The following ZNF804A variants were observed in gnomAD, a reference collection of about 807,000 sequenced individuals.
ZNF804A encodes zinc finger protein 804A.
Under a neutral mutation model 16.5 loss-of-function variants are expected in ZNF804A, and 2 were observed. The ratio of observed to expected loss-of-function variants is 0.12; its 90% CI spans 0.05 to 0.38. The LOEUF (loss-of-function observed/expected upper bound fraction) is 0.38. Among genes scored for constraint, ZNF804A ranks in the 10% least tolerant of loss-of-function variants. The probability of loss-of-function intolerance (pLI) is 0.99; values close to 1 mark genes in which losing one functional copy is unlikely to be tolerated. For missense variants in ZNF804A, 1,473 were observed against 1,390.7 expected (o/e 1.06, Z -0.94); for synonymous variants, 534 against 489.6 (o/e 1.09, Z -1.20).
chr2:184,691,415 C>CTA (rs746464615), intron 1 of ZNF804A, among the ~76,000 whole-genome samples: 15 of 149,854 alleles, frequency 1.0e-4, no homozygotes, highest in East Asian at 3.9e-4. Flanking sequence ...ATCATATATT[C>CTA]TATATATATA....
At chr2:184,860,244 G>C (rs1180001739) in intron 1 of ZNF804A, among the ~76,000 whole-genome samples, 2 of 152,196 alleles carry the variant, frequency 1.3e-5, no homozygotes, top group African/African-American at 4.8e-5. Context: ...CTGGCCTAGA[G>C]GCTTGGTCTG....
intron 1 of ZNF804A, among the ~76,000 whole-genome samples, chr2:184,616,956 C>T (rs920788096): frequency 1.3e-5 from 2 of 151,998 alleles, no homozygotes; most frequent in Admixed American, 1.3e-4. Context: ...GGATGTCACA[C>T]ATTCATATTT....
intron 1 of ZNF804A, among the ~76,000 whole-genome samples, chr2:184,809,295 A>G (rs1437647355): frequency 2.0e-5 from 3 of 151,884 alleles, no homozygotes; most frequent in Non-Finnish European, 3.0e-5. Flanking sequence ...AAGTATACAC[A>G]TAAGTGGAAG....
chr2:184,936,442 G>A lies in ZNF804A; in HGVS notation c.1046G>A (p.Ser349Asn), dbSNP rs778650571. 3.7e-6 allele frequency: 6 copies of A among 1,613,808 alleles called. No individual in the cohort carries two copies. The highest frequency in any genetic ancestry group is 5.1e-6 in the Non-Finnish European group (6 of 1,179,932). Reference protein sequence around the residue: ...SVVINEDIPVSGNSFELLGNK... With the variant: ...SVVINEDIPVNGNSFELLGNK... ...GTTATTAATGAAGACATACCTGTTA[G>A]TGGTAACAGTTTTGAGTTGTTAGGA... Residue 349 changes from serine (S) to asparagine (N), a missense_variant, in exon 4 of 4, where the codon AGT becomes AAT. Physicochemically the swap from Ser to Asn is conservative, Grantham distance 46. Transcript: ENST00000302277.
At chr2:184,615,422 C>T (rs1039923860) in intron 1 of ZNF804A, among the ~76,000 whole-genome samples, 3 of 152,130 alleles carry the variant, frequency 2.0e-5, no homozygotes, top group Non-Finnish European at 2.9e-5. Context: ...CAAAGACAGT[C>T]CCAGTTTATG....
chr2:184,892,926 T>C (rs1574259628), intron 2 of ZNF804A, among the ~76,000 whole-genome samples: 1 of 152,200 alleles, frequency 6.6e-6, no homozygotes. Context: ...TCAATATTGA[T>C]GGTTTCATTG....
chr2:184,929,458 T>C (rs1574275100), intron 2 of ZNF804A, among the ~76,000 whole-genome samples: 1 of 152,116 alleles, frequency 6.6e-6, no homozygotes, highest in Non-Finnish European at 1.5e-5. Flanking sequence ...TTATTACATG[T>C]ATTTTATGTA....
At chr2:184,719,915 C>T (rs1329588109) in intron 1 of ZNF804A, among the ~76,000 whole-genome samples, 1 of 152,168 alleles carries the variant, frequency 6.6e-6, no homozygotes, top group Non-Finnish European at 1.5e-5. Flanking sequence ...ATCTTTTCAG[C>T]AGTGCCCCAC....
intron 1 of ZNF804A, among the ~76,000 whole-genome samples, chr2:184,668,666 T>A (rs182386645): frequency 1.7e-4 from 26 of 152,054 alleles, no homozygotes; most frequent in African/African-American, 4.6e-4. Flanking sequence ...ATTTGGAAAG[T>A]TATACTACTT....
chr2:184,670,149 A>G (rs1692320027), intron 1 of ZNF804A, among the ~76,000 whole-genome samples: 1 of 152,054 alleles, frequency 6.6e-6, no homozygotes, highest in Admixed American at 6.6e-5. Context: ...TTGTCAGCCT[A>G]ATTGCTATTC....
chr2:184,897,031 C>A (rs141496508), intron 2 of ZNF804A, among the ~76,000 whole-genome samples: 4 of 151,916 alleles, frequency 2.6e-5, no homozygotes, highest in African/African-American at 9.7e-5. Context: ...GGTAAAATTT[C>A]TCATGTTGTA....
intron 2 of ZNF804A, among the ~76,000 whole-genome samples, chr2:184,909,441 T>C (rs1266391241): frequency 6.6e-6 from 1 of 152,050 alleles, no homozygotes; most frequent in Non-Finnish European, 1.5e-5. Flanking sequence ...AAGTTGTTTT[T>C]CTAAAGCATA....
chr2:184,899,095 A>G (rs1685134708), intron 2 of ZNF804A, among the ~76,000 whole-genome samples: 1 of 151,950 alleles, frequency 6.6e-6, no homozygotes, highest in Admixed American at 6.6e-5. Context: ...CACCATGTTC[A>G]AGGATTTGAC....
At chr2:184,911,180 C>T (rs1302227846) in intron 2 of ZNF804A, among the ~76,000 whole-genome samples, 1 of 152,032 alleles carries the variant, frequency 6.6e-6, no homozygotes, top group Non-Finnish European at 1.5e-5. Flanking sequence ...ATTCATTCTT[C>T]TGCATATAGC....
chr2:184,623,214 G>T (rs1691445356), intron 1 of ZNF804A, among the ~76,000 whole-genome samples: 1 of 151,766 alleles, frequency 6.6e-6, no homozygotes, highest in Admixed American at 6.6e-5. Context: ...AAGTTAATAT[G>T]CATAAAATAC....
intron 1 of ZNF804A, among the ~76,000 whole-genome samples, chr2:184,784,558 A>G (rs554523471): frequency 1.6e-4 from 24 of 152,096 alleles, no homozygotes; most frequent in African/African-American, 5.5e-4. Flanking sequence ...AACTACTTGT[A>G]AAAGTATCCA....
At chr2:184,743,159 TG>T (rs780735842) in intron 1 of ZNF804A, among the ~76,000 whole-genome samples, 3 of 152,150 alleles carry the variant, frequency 2.0e-5, no homozygotes, top group Non-Finnish European at 4.4e-5. Flanking sequence ...CTTTCCCCTT[TG>T]GAGATCGCCA....
At chr2:184,692,239 C>T (rs1692744144) in intron 1 of ZNF804A, among the ~76,000 whole-genome samples, 1 of 152,118 alleles carries the variant, frequency 6.6e-6, no homozygotes. Flanking sequence ...CAATACTTCG[C>T]ACACACTGAT....
intron 1 of ZNF804A, among the ~76,000 whole-genome samples, chr2:184,660,689 G>GA (rs1421976055): frequency 6.6e-6 from 1 of 152,176 alleles, no homozygotes; most frequent in Non-Finnish European, 1.5e-5. Context: ...AGTCTACTAT[G>GA]AAAAAACACA....
Sources: gnomAD v4.1 joint callset for allele counts (sites outside exome capture counted in the v4.1 genomes callset) on GRCh38, gnomAD v4.1.1 for gene constraint, MANE v1.5 for transcripts, NCBI Gene and HGNC (gene_info 2026-07-23, HGNC 2026-07-21) for gene names.